The following ROBO1 variants were observed in gnomAD, a reference collection of about 807,000 sequenced individuals.
The protein encoded by ROBO1 is roundabout guidance receptor 1, also known as roundabout homolog 1.
Under a neutral mutation model 195.9 loss-of-function variants are expected in ROBO1, and 149 were observed. That is an observed-to-expected ratio of 0.76 (90% CI 0.67 to 0.87). The LOEUF (loss-of-function observed/expected upper bound fraction) is 0.87, where lower values mean the gene tolerates loss of function less well. Among genes scored for constraint, ROBO1 ranks in the 40% least tolerant of loss-of-function variants. The pLI, the probability that ROBO1 is intolerant of heterozygous loss-of-function variation, is 0.00. For synonymous variants in ROBO1, 816 were observed against 733.2 expected (o/e 1.11, Z -1.82); for missense variants, 1,933 against 2,068.3 (o/e 0.93, Z 1.27).
At chr3:79,143,378 T>A (rs2080571968) in intron 2 of ROBO1, among the ~76,000 whole-genome samples, 1 of 151,890 alleles carries the variant, frequency 6.6e-6, no homozygotes, top group African/African-American at 2.4e-5. Flanking sequence ...CAAAAACATA[T>A]AGGTATAAAA....
intron 4 of ROBO1, among the ~76,000 whole-genome samples, chr3:78,770,097 T>C (rs1576128390): frequency 6.6e-6 from 1 of 152,170 alleles, no homozygotes; most frequent in African/African-American, 2.4e-5. Context: ...GTGTTCTTCT[T>C]GCTTCTTGAA....
chr3:79,748,724 C>A (rs957675108), intron 1 of ROBO1, among the ~76,000 whole-genome samples: 8 of 152,094 alleles, frequency 5.3e-5, no homozygotes, highest in Non-Finnish European at 2.9e-5. Context: ...CTCACATGCT[C>A]GGATGGCTTT....
intron 4 of ROBO1, among the ~76,000 whole-genome samples, chr3:78,858,843 C>T (rs2034616899): frequency 6.7e-6 from 1 of 148,504 alleles, no homozygotes; most frequent in African/African-American, 2.5e-5. Flanking sequence ...AGGTGAGTAT[C>T]CAAAACACTT....
chr3:78,749,872 T>A (rs1436368066), intron 4 of ROBO1, among the ~76,000 whole-genome samples: 2 of 152,162 alleles, frequency 1.3e-5, no homozygotes, highest in African/African-American at 4.8e-5. Context: ...TTGAATCGTA[T>A]GAAAATTTTA....
At chr3:79,508,803 G>C (rs1267412683) in intron 2 of ROBO1, among the ~76,000 whole-genome samples, 1 of 152,158 alleles carries the variant, frequency 6.6e-6, no homozygotes, top group Non-Finnish European at 1.5e-5. Flanking sequence ...GTTGGAGGCT[G>C]GTCAAGTTAA....
In ROBO1 at chr3:79,025,885, G is replaced by C. The variant is rs146955035; in HGVS notation, c.173-86958C>G. ...CAACTTTTCCCAGAAGACTCCTTTA[G>C]TTAGTGGTTGACTCGTGACTGGAAC... On this transcript the variant is annotated intron_variant, in intron 3 of 30. Coordinates refer to ENST00000464233, the MANE Select transcript of ROBO1 (RefSeq NM_002941.4). 3.0e-4 allele frequency among the ~76,000 whole-genome samples: 46 copies of C among 152,204 alleles called. No homozygotes were observed. The East Asian group carries it at 8.7e-3, about 29-fold the overall frequency.
At chr3:78,895,693 T>A (rs1382354376) in intron 4 of ROBO1, among the ~76,000 whole-genome samples, 1 of 152,236 alleles carries the variant, frequency 6.6e-6, no homozygotes, top group Non-Finnish European at 1.5e-5. Flanking sequence ...GTTGATCAAG[T>A]GAAGTCACTG....
At chr3:78,979,495 A>G (rs1309305357) in intron 3 of ROBO1, among the ~76,000 whole-genome samples, 2 of 152,220 alleles carry the variant, frequency 1.3e-5, no homozygotes, top group Non-Finnish European at 2.9e-5. Flanking sequence ...CTCCTCAGCA[A>G]TGTAGATAAA....
intron 10 of ROBO1, among the ~76,000 whole-genome samples, chr3:78,680,530 A>G (rs1435005753): frequency 1.3e-5 from 2 of 152,198 alleles, no homozygotes; most frequent in African/African-American, 4.8e-5. Flanking sequence ...AAGGACATGA[A>G]CAGACACTTC....
intron 1 of ROBO1, among the ~76,000 whole-genome samples, chr3:79,630,384 C>T (rs1945302452): frequency 6.6e-6 from 1 of 151,916 alleles, no homozygotes; most frequent in Non-Finnish European, 1.5e-5. Flanking sequence ...GAATTAAAAA[C>T]AAAAGCCATA....
chr3:79,179,402 C>G (rs1480298000), intron 2 of ROBO1, among the ~76,000 whole-genome samples: 1 of 152,168 alleles, frequency 6.6e-6, no homozygotes, highest in Non-Finnish European at 1.5e-5. Context: ...TGTGATTTAA[C>G]TGTGATTTAG....
intron 1 of ROBO1, among the ~76,000 whole-genome samples, chr3:79,728,468 G>A (rs1703014360): frequency 6.6e-6 from 1 of 152,080 alleles, no homozygotes. Flanking sequence ...TACCGTTTCT[G>A]ACCTTCAATG....
rs188863606 is a variant in ROBO1 at position 78,803,426 on chromosome 3, A to G, written c.500-56526T>C. 2.6e-4 allele frequency among the ~76,000 whole-genome samples: 39 copies of G among 152,304 alleles called. No individual in the cohort carries two copies. The Middle Eastern group carries it at 0.01, about 40-fold the overall frequency. On this transcript the variant is annotated intron_variant, in intron 4 of 30. Transcript: ENST00000464233. ...CATCAATGGGGAAACAAGTTATAAT[A>G]GAGAACAATATCATGAAAATATGAT... is the stretch of plus-strand genomic sequence containing the variant.
chr3:79,359,460 A>T (rs2109299008), intron 2 of ROBO1, among the ~76,000 whole-genome samples: 1 of 152,178 alleles, frequency 6.6e-6, no homozygotes, highest in South Asian at 2.1e-4. Flanking sequence ...AAGAGGCACC[A>T]TACTTGGTAT....
chr3:79,221,923 A>G (rs2108828188), intron 2 of ROBO1, among the ~76,000 whole-genome samples: 1 of 152,226 alleles, frequency 6.6e-6, no homozygotes, highest in African/African-American at 2.4e-5. Context: ...TACTGTTCAA[A>G]TATACAGAGT....
intron 2 of ROBO1, among the ~76,000 whole-genome samples, chr3:79,155,694 T>G (rs1381876931): frequency 6.6e-6 from 1 of 151,784 alleles, no homozygotes; most frequent in African/African-American, 2.4e-5. Context: ...ACATTACTCC[T>G]GTTTTTTGAG....
At chr3:78,941,366 C>T (rs10511126) in intron 3 of ROBO1, among the ~76,000 whole-genome samples, 4 of 152,124 alleles carry the variant, frequency 2.6e-5, no homozygotes, top group Admixed American at 6.5e-5. Context: ...TTTTATATTA[C>T]TCATCACAGT....
chr3:78,888,551 A>G (rs2036699509), intron 4 of ROBO1, among the ~76,000 whole-genome samples: 1 of 152,246 alleles, frequency 6.6e-6, no homozygotes, highest in African/African-American at 2.4e-5. Flanking sequence ...TTAGAAACTT[A>G]GTTAAAATTA....
intron 2 of ROBO1, among the ~76,000 whole-genome samples, chr3:79,462,944 T>G (rs527700316): frequency 2.0e-5 from 3 of 152,346 alleles, no homozygotes; most frequent in South Asian, 2.1e-4. Context: ...TGATTCCTGA[T>G]TTATCTAACA....
Sources: allele counts gnomAD v4.1 joint callset (sites outside exome capture counted in the v4.1 genomes callset), GRCh38; gene constraint gnomAD v4.1.1; transcripts MANE v1.5; gene names NCBI Gene and HGNC (gene_info 2026-07-23, HGNC 2026-07-21).